Variants in MAD1L1 observed in about 807,000 individuals in gnomAD.
MAD1L1 encodes the protein mitotic spindle assembly checkpoint protein MAD1.
In MAD1L1, 95 loss-of-function variants were observed where a neutral mutation model predicts 96.9. That is an observed-to-expected ratio of 0.98 (90% CI 0.83 to 1.16). The LOEUF (loss-of-function observed/expected upper bound fraction) is 1.16. Ranked by LOEUF, MAD1L1 falls within the 50% of genes most tolerant of loss-of-function variation. The pLI, the probability that MAD1L1 is intolerant of heterozygous loss-of-function variation, is 0.00. For missense variants in MAD1L1, 1,007 were observed against 954.4 expected, an observed-to-expected ratio of 1.06 and a Z score of -0.73; for synonymous variants, 473 against 396.6, an observed-to-expected ratio of 1.19 and a Z score of -2.29.
At chr7:1,827,464 GTC>G (rs1782462022) in intron 18 of MAD1L1, among the ~76,000 whole-genome samples, 1 of 91,208 alleles carries the variant, frequency 1.1e-5, no homozygotes, top group Non-Finnish European at 2.6e-5. Flanking sequence ...TCCTGAGCCC[GTC>G]GCGGGTGTGG....
intron 10 of MAD1L1, among the ~76,000 whole-genome samples, chr7:2,197,502 A>G (rs1296603470): frequency 6.6e-6 from 1 of 152,004 alleles, no homozygotes; most frequent in Non-Finnish European, 1.5e-5. Context: ...CACTCCGCCG[A>G]CGCCTGGTAC....
At chr7:1,979,591 G>C (rs951080077) in intron 15 of MAD1L1, among the ~76,000 whole-genome samples, 3 of 152,340 alleles carry the variant, frequency 2.0e-5, no homozygotes, top group African/African-American at 7.2e-5. Context: ...GGGTCCACAA[G>C]GCGGGGGAGA....
At chr7:2,077,094 G>A (rs1785416106) in intron 11 of MAD1L1, among the ~76,000 whole-genome samples, 1 of 137,398 alleles carries the variant, frequency 7.3e-6, no homozygotes, top group Admixed American at 7.2e-5. Context: ...GACTTGGTGA[G>A]CCCGCGGCAT....
At chr7:1,897,981 C>T in intron 18 of MAD1L1, 1 of 594,982 alleles carries the variant, frequency 1.7e-6, no homozygotes, top group Non-Finnish European at 3.0e-6. Context: ...TCTTCTGCAC[C>T]CAGGAGGTCC....
intron 11 of MAD1L1, among the ~76,000 whole-genome samples, chr7:2,122,215 G>A (rs949282570): frequency 2.6e-5 from 4 of 152,196 alleles, no homozygotes; most frequent in Non-Finnish European, 5.9e-5. Context: ...AACCCGCGGG[G>A]GCTGGAGAAA....
intron 10 of MAD1L1, among the ~76,000 whole-genome samples, chr7:2,181,306 GT>G (rs570537866): frequency 2.0e-5 from 3 of 152,218 alleles, no homozygotes. Context: ...AGCTGTAGTT[GT>G]TTTTTACTTG....
chr7:2,089,862 G>A (rs151138049), intron 11 of MAD1L1, among the ~76,000 whole-genome samples: 113 of 152,308 alleles, frequency 7.4e-4, no homozygotes, highest in African/African-American at 2.5e-3. Context: ...GCTTAATTAA[G>A]GCCAGGCTAA....
chr7:1,900,921 T>C (rs1313523022), intron 17 of MAD1L1, among the ~76,000 whole-genome samples: 1 of 152,138 alleles, frequency 6.6e-6, no homozygotes, highest in Non-Finnish European at 1.5e-5. Context: ...GAAGGCAGTG[T>C]GTGGGGCCCC....
At position 1,968,168 on chromosome 7, in the gene MAD1L1, C is replaced by T. The variant is rs912117030; in HGVS notation, c.1506-10449G>A. Among the ~76,000 whole-genome samples the T allele has an allele frequency of 3.3e-5, 5 of 152,254 alleles. No individual in the cohort carries two copies. The highest frequency in any genetic ancestry group is 4.8e-5 in the African/African-American group (2 of 41,472). ...AGACTGGAGAAAGTGCAAACAGCTT[C>T]GCGGACGAGGCACCCGGCAGAGCAC... On this transcript the variant is annotated intron_variant, in intron 15 of 18. Transcript: ENST00000265854. The surrounding 1 kb of genome is among the most constrained non-coding windows in gnomAD (Gnocchi z 5.6).
intron 7 of MAD1L1, among the ~76,000 whole-genome samples, chr7:2,216,994 T>C (rs1425997787): frequency 6.6e-6 from 1 of 152,060 alleles, no homozygotes; most frequent in African/African-American, 2.4e-5. Flanking sequence ...GCATTCACAC[T>C]GCACACTGCC....
intron 18 of MAD1L1, among the ~76,000 whole-genome samples, chr7:1,854,622 C>T (rs960818815): frequency 6.6e-6 from 1 of 152,186 alleles, no homozygotes; most frequent in Non-Finnish European, 1.5e-5. Context: ...CCCGCCTCCT[C>T]ATGCCCCTCA....
chr7:2,161,491 A>G (rs924206276), intron 10 of MAD1L1, among the ~76,000 whole-genome samples: 1 of 151,890 alleles, frequency 6.6e-6, no homozygotes, highest in South Asian at 2.1e-4. Flanking sequence ...TTGGCCTCCC[A>G]AAGTGCCGAG....
intron 11 of MAD1L1, among the ~76,000 whole-genome samples, chr7:2,118,286 C>T (rs1167925534): frequency 3.3e-5 from 5 of 152,206 alleles, no homozygotes; most frequent in Admixed American, 6.5e-5. Flanking sequence ...CTCTGCAGAA[C>T]GGGGCCTGAG....
At chr7:2,218,080 C>A in intron 6 of MAD1L1, 37 bp from the exon 7 acceptor site, 2 of 1,532,860 alleles carry the variant, frequency 1.3e-6, no homozygotes, top group Non-Finnish European at 1.8e-6. Flanking sequence ...CAGAAACAGG[C>A]ATGCGGCAAG....
intron 18 of MAD1L1, among the ~76,000 whole-genome samples, chr7:1,878,812 T>A: frequency 6.7e-6 from 1 of 148,164 alleles, no homozygotes; most frequent in East Asian, 2.0e-4. Flanking sequence ...ATATAAGGCA[T>A]AAAAGTTGAA....
intron 18 of MAD1L1, chr7:1,847,384 C>T (rs559231101): frequency 3.0e-4 from 139 of 471,006 alleles, no homozygotes; most frequent in Non-Finnish European, 4.6e-4. Context: ...TGCAGCGTTA[C>T]GTGACTTGGG....
At chr7:2,141,760 T>TCTCACGTCCAAGTCTGGGCACTGC (rs1408435081) in intron 11 of MAD1L1, among the ~76,000 whole-genome samples, 2 of 152,152 alleles carry the variant, frequency 1.3e-5, no homozygotes, top group Non-Finnish European at 2.9e-5. Context: ...ACAGGCACCA[T>TCTCACGTCCAAGTCTGGGCACTGC]CTCACGTCCA....
chr7:2,204,490 T>C (rs1792487666), intron 10 of MAD1L1, among the ~76,000 whole-genome samples: 1 of 152,252 alleles, frequency 6.6e-6, no homozygotes, highest in Non-Finnish European at 1.5e-5. Context: ...ACTCCAGGGA[T>C]CACTGACCTG....
chr7:2,206,721 A>T (rs906045688), intron 10 of MAD1L1, among the ~76,000 whole-genome samples: 2 of 152,242 alleles, frequency 1.3e-5, no homozygotes, highest in Non-Finnish European at 2.9e-5. Context: ...AAGCTGTATA[A>T]CTTGTTCTTT....
Sources: gnomAD v4.1 joint callset for allele counts (sites outside exome capture counted in the v4.1 genomes callset) on GRCh38, gnomAD v4.1.1 for gene constraint, Gnocchi (gnomAD v3.1) non-coding constraint, MANE v1.5 for transcripts, NCBI Gene and HGNC (gene_info 2026-07-23, HGNC 2026-07-21) for gene names.